Variants in CD83 observed in about 807,000 individuals in gnomAD.
The protein encoded by CD83 is CD83 molecule, also known as CD83 antigen.
In CD83, 22 loss-of-function variants were observed where a neutral mutation model predicts 24.6. The ratio of observed to expected loss-of-function variants is 0.90; its 90% CI spans 0.64 to 1.28. The LOEUF is 1.28. CD83 is among the 50% of genes most tolerant of loss of function. The probability of loss-of-function intolerance (pLI) is 0.00; values close to 1 mark genes in which losing one functional copy is unlikely to be tolerated. For missense variants in CD83, 253 were observed against 252.8 expected (o/e 1.00, Z -0.01); for synonymous variants, 101 against 103.5 (o/e 0.98, Z 0.14).
intron 2 of CD83, among the ~76,000 whole-genome samples, chr6:14,120,542 G>A (rs186994545): frequency 1.2e-4 from 18 of 152,250 alleles, no homozygotes; most frequent in African/African-American, 3.9e-4. Context: ...CACTACCCTG[G>A]CTTTGTAAAA....
rs578249909 is a variant in CD83, at chr6:14,128,236, TC to T, written c.154-3283del. 7.1e-4 allele frequency among the ~76,000 whole-genome samples: 108 copies of T among 152,316 alleles called. 1 individual carries two copies. The South Asian group carries it at 7.2e-3, about 10-fold the overall frequency. ...TGGTGGTGCCTCTGCCACAGTTAGC[TC>T]ATCTGATAAAGCAGGGTGATAGCTG... On this transcript the variant is annotated intron_variant, in intron 2 of 4. Transcript: ENST00000379153.
At position 14,117,952 on chromosome 6, in the gene CD83, T is replaced by C. The variant is rs201481435; in HGVS notation, c.40T>C (p.Tyr14His). 3 of 1,607,960 alleles carry C rather than the reference T, an allele frequency of 1.9e-6. No homozygotes were observed. In the South Asian group the frequency reaches 3.3e-5, roughly 18 times the overall value. ...GACGCGCTCTCTCTTTCTTGTAGCC[T>C]ACAGCCTGGCTCCCGCGACGCCGGA... The part of the protein sequence containing the change: ...GLQLLLLSCA[Y>H]SLAPATPEVK... Residue 14 changes from tyrosine (Y) to histidine (H), a missense_variant and splice_region_variant, in exon 2 of 5, where the codon TAC (tyrosine) becomes CAC (histidine). Tyr to His is a moderately conservative substitution (Grantham distance 83, BLOSUM62 2). Coordinates refer to ENST00000379153, the MANE Select transcript of CD83 (RefSeq NM_004233.4). This position sits in a 1 kb window ranked among gnomAD's most constrained non-coding sequence, Gnocchi z 4.6.
In CD83 at chr6:14,118,116, C is replaced by T. The variant is rs370407778; in HGVS notation, c.153+51C>T. On this transcript the variant is annotated intron_variant, in intron 2 of 4. Coordinates refer to ENST00000379153, the MANE Select transcript of CD83 (RefSeq NM_004233.4). The stretch of plus-strand genomic sequence containing the variant: ...GGGGTTTGGTGGGCTCATTTGAAGA[C>T]AGCAGGAACCATCTCCCCTAGGCTG... 571 of 1,334,736 alleles carry T rather than the reference C, an allele frequency of 4.3e-4. 2 individuals carry two copies. The highest frequency in any genetic ancestry group is 1.8e-3 in the Middle Eastern group (10 of 5,558). 82.7% of individuals were successfully genotyped at this position (1,334,736 alleles called of 1,614,324 possible). A position where few individuals can be genotyped will look rare whatever the true frequency, so the allele number is the denominator to read the frequency against.
At chr6:14,131,232 C>T (rs939827225) in intron 2 of CD83, among the ~76,000 whole-genome samples, 3 of 152,234 alleles carry the variant, frequency 2.0e-5, no homozygotes, top group African/African-American at 7.2e-5. Context: ...AAGATTCACA[C>T]ACAGCATATC....
At chr6:14,127,468 G>C (rs890308868) in intron 2 of CD83, among the ~76,000 whole-genome samples, 2 of 151,414 alleles carry the variant, frequency 1.3e-5, no homozygotes, top group African/African-American at 4.9e-5. Context: ...TCCACAATAG[G>C]ATGTTTTAAT....
At chr6:14,119,915 T>C (rs538045938) in intron 2 of CD83, among the ~76,000 whole-genome samples, 1 of 152,362 alleles carries the variant, frequency 6.6e-6, no homozygotes, top group South Asian at 2.1e-4. Flanking sequence ...TTTGGAATGG[T>C]CCACTAAACC....
In CD83 at chr6:14,131,639, C is replaced by G. The variant is rs1757905268; in HGVS notation, c.273C>G (p.Ser91=). 1 of 1,613,970 alleles carries G rather than the reference C, an allele frequency of 6.2e-7. No individual in the cohort carries two copies. Among genetic ancestry groups the G allele is most frequent in the Non-Finnish European group, 8.5e-7 (1 of 1,180,010 alleles). Residue 91 remains serine (S), a synonymous_variant, in exon 3 of 5, where the codon TCC becomes TCG. Coordinates refer to ENST00000379153, the MANE Select transcript of CD83 (RefSeq NM_004233.4). ...SFDAPNERPY[S]LKIRNTTSCN... ...ACGCCCCCAATGAAAGGCCCTATTC[C>G]CTGAAGATCCGAAACACTACCAGCT...
chr6:14,135,983 T>A lies in CD83; in HGVS notation c.*747T>A, dbSNP rs1758040410. 3 of 152,178 alleles carry A rather than the reference T, an allele frequency of 2.0e-5. No homozygotes were observed. The highest frequency in any genetic ancestry group is 1.5e-5 in the Non-Finnish European group (1 of 68,040). 9.4% of individuals were successfully genotyped at this position (152,178 alleles called of 1,614,324 possible). On this transcript the variant is annotated 3_prime_UTR_variant, in exon 5 of 5. Coordinates refer to ENST00000379153, the MANE Select transcript of CD83 (RefSeq NM_004233.4). Reference sequence around the variant, plus strand: ...TGTGAACTGACAGGCAGCCTGGACATAGAGAGGGAGAAGAAGTCAGAGAGG... The same window carrying A: ...TGTGAACTGACAGGCAGCCTGGACAAAGAGAGGGAGAAGAAGTCAGAGAGG...
chr6:14,129,709 A>T lies in CD83; in HGVS notation c.154-1811A>T, dbSNP rs1759901979. Among the ~76,000 whole-genome samples the T allele has an allele frequency of 6.6e-6, 1 of 152,170 alleles. No individual in the cohort carries two copies. The highest frequency in any genetic ancestry group is 1.5e-5 in the Non-Finnish European group (1 of 68,036). On this transcript the variant is annotated intron_variant, in intron 2 of 4. Transcript: ENST00000379153. The surrounding 1 kb of genome is among the most constrained non-coding windows in gnomAD (Gnocchi z 4.3). Reference sequence around the variant, plus strand: ...AGCAGGTTTTCTTGCAGGAGCGATCAATCTGCCACCAGATGTCTCTGTAGC... The same window carrying T: ...AGCAGGTTTTCTTGCAGGAGCGATCTATCTGCCACCAGATGTCTCTGTAGC...
At chr6:14,130,953 G>A (rs1169394593) in intron 2 of CD83, among the ~76,000 whole-genome samples, 2 of 152,128 alleles carry the variant, frequency 1.3e-5, no homozygotes, top group South Asian at 2.1e-4. Flanking sequence ...TGGCACATTC[G>A]GCGACGTCAG....
At chr6:14,132,028 C>T (rs1049728371) in intron 3 of CD83, among the ~76,000 whole-genome samples, 5 of 152,210 alleles carry the variant, frequency 3.3e-5, no homozygotes, top group Non-Finnish European at 4.4e-5. Context: ...GTTGATTTCT[C>T]CTTCTGTCAG....
In CD83 at chr6:14,136,068, T is replaced by C. The variant is rs1159834483; in HGVS notation, c.*832T>C. ...GAAATGCTGGGCTGACGGTGCAGTC[T>C]GGGTGCTCGCCCACTTGTCCCACTA... On this transcript the variant is annotated 3_prime_UTR_variant, in exon 5 of 5. Coordinates refer to ENST00000379153, the MANE Select transcript of CD83 (RefSeq NM_004233.4). 4 of 152,382 alleles carry C rather than the reference T, an allele frequency of 2.6e-5. No individual in the cohort carries two copies. The East Asian group carries it at 7.7e-4, about 29-fold the overall frequency. 9.4% of individuals were successfully genotyped at this position (152,382 alleles called of 1,614,324 possible).
chr6:14,126,513 A>G (rs1759818517), intron 2 of CD83, among the ~76,000 whole-genome samples: 1 of 152,218 alleles, frequency 6.6e-6, no homozygotes, highest in Non-Finnish European at 1.5e-5. Flanking sequence ...GTCCAATGCC[A>G]ATGCCTGTGC....
At position 14,135,357 on chromosome 6, in the gene CD83, C is replaced by T. The variant is rs1758025352; in HGVS notation, c.*121C>T. On this transcript the variant is annotated 3_prime_UTR_variant, in exon 5 of 5. Transcript: ENST00000379153. ...TGGCATCCTGTGAAGTCCTTCACCT[C>T]ACTGAAAACATCTGGAAGGGGATCC... 1.8e-6 allele frequency: 2 copies of T among 1,089,818 alleles called. No individual in the cohort carries two copies. Among genetic ancestry groups the T allele is most frequent in the South Asian group, 3.3e-5 (2 of 60,432 alleles). The allele number at this position is 1,089,818 out of a possible 1,614,324, so 67.5% of individuals were successfully genotyped here.
chr6:14,123,333 A>G (rs1025256098), intron 2 of CD83, among the ~76,000 whole-genome samples: 1 of 152,188 alleles, frequency 6.6e-6, no homozygotes, highest in Non-Finnish European at 1.5e-5. Context: ...TCCTGACCTC[A>G]GGTGATCCAC....
chr6:14,132,822 C>G lies in CD83; in HGVS notation c.383-827C>G, dbSNP rs137982222. ...TTGGCTCCAATGGCAGAACCCCCTCCGCTCACTTGCACTCCACCTGCTCCT... is the reference window on the plus strand; with the variant it reads ...TTGGCTCCAATGGCAGAACCCCCTCGGCTCACTTGCACTCCACCTGCTCCT... On this transcript the variant is annotated intron_variant, in intron 3 of 4. Coordinates refer to ENST00000379153, the MANE Select transcript of CD83 (RefSeq NM_004233.4). Among the ~76,000 whole-genome samples, 374 of 152,296 alleles carry G rather than the reference C, an allele frequency of 2.5e-3. 2 individuals carry two copies. The highest frequency in any genetic ancestry group is 8.6e-3 in the African/African-American group (358 of 41,544).
intron 2 of CD83, among the ~76,000 whole-genome samples, chr6:14,123,986 C>T (rs978472606): frequency 1.3e-5 from 2 of 152,148 alleles, no homozygotes; most frequent in South Asian, 2.1e-4. Flanking sequence ...AAGATGTTTC[C>T]GTAATCCCTT....
chr6:14,117,801 G>A lies in CD83; in HGVS notation c.-11G>A, dbSNP rs1421366156. ...CTCTGCAGCTCGTGGCAGCGGCGCAGCGCTCCAGCCATGTCGCGCGGCCTC... is the reference window on the plus strand; with the variant it reads ...CTCTGCAGCTCGTGGCAGCGGCGCAACGCTCCAGCCATGTCGCGCGGCCTC... On this transcript the variant is annotated 5_prime_UTR_variant, in exon 1 of 5. Coordinates refer to ENST00000379153, the MANE Select transcript of CD83 (RefSeq NM_004233.4). The surrounding 1 kb of genome is among the most constrained non-coding windows in gnomAD (Gnocchi z 4.6). 3 of 1,527,342 alleles carry A rather than the reference G, an allele frequency of 2.0e-6. No individual in the cohort carries two copies. The East Asian group carries it at 7.6e-5, about 39-fold the overall frequency. 94.6% of individuals were successfully genotyped at this position (1,527,342 alleles called of 1,614,324 possible).
At chr6:14,131,467 C>T (rs1486496694) in intron 2 of CD83, 53 bp from the exon 3 acceptor site, 9 of 1,284,372 alleles carry the variant, frequency 7.0e-6, no homozygotes, top group African/African-American at 1.5e-5. Context: ...ACATTGGTGT[C>T]GAGTTGGAGT....
Sources: gnomAD v4.1 joint callset for allele counts (sites outside exome capture counted in the v4.1 genomes callset) on GRCh38, gnomAD v4.1.1 for gene constraint, Gnocchi (gnomAD v3.1) non-coding constraint, MANE v1.5 for transcripts, NCBI Gene and HGNC (gene_info 2026-07-23, HGNC 2026-07-21) for gene names.